Variants in CEP128 observed in about 807,000 individuals in gnomAD.
The protein encoded by CEP128 is centrosomal protein 128kDa.
Under a neutral mutation model 156.7 loss-of-function variants are expected in CEP128, and 132 were observed. The ratio of observed to expected loss-of-function variants is 0.84; its 90% CI spans 0.73 to 0.97. CEP128 has a LOEUF of 0.97. Ranked by LOEUF, CEP128 falls within the 50% of genes least tolerant of loss-of-function variation. The pLI is 0.00. For missense variants in CEP128, 1,252 were observed against 1,281.9 expected (o/e 0.98, Z 0.36); for synonymous variants, 469 against 448.9 (o/e 1.04, Z -0.57).
chr14:80,648,681 T>C (rs1274900373), intron 19 of CEP128, among the ~76,000 whole-genome samples: 1 of 152,142 alleles, frequency 6.6e-6, no homozygotes. Flanking sequence ...ATAAGAGTGG[T>C]AAAAGTTCAC....
intron 19 of CEP128, among the ~76,000 whole-genome samples, chr14:80,736,769 A>G (rs191616254): frequency 6.6e-6 from 1 of 152,328 alleles, no homozygotes. Flanking sequence ...AGAATAATGA[A>G]TCATAAGTTT....
In CEP128 at chr14:80,868,055, A is replaced by G. The variant is rs201503185; in HGVS notation, c.646-5182T>C. On this transcript the variant is annotated intron_variant, in intron 8 of 24. Coordinates refer to ENST00000555265, the MANE Select transcript of CEP128 (RefSeq NM_152446.5). ...AGGAGAGAATGAGATGATAAATTCA[A>G]AGTCCTGGCAGGGGGTGGGGGGAGA... is the stretch of plus-strand genomic sequence containing the variant. Among the ~76,000 whole-genome samples the G allele has an allele frequency of 1.2e-4, 19 of 152,160 alleles. No homozygotes were observed. The East Asian group carries it at 3.7e-3, about 29-fold the overall frequency.
At chr14:80,675,111 T>G (rs576190675) in intron 19 of CEP128, among the ~76,000 whole-genome samples, 7 of 152,200 alleles carry the variant, frequency 4.6e-5, no homozygotes, top group African/African-American at 1.2e-4. Flanking sequence ...CCTTTTAATT[T>G]CAATCATTCA....
At chr14:80,644,023 A>G (rs1894533854) in intron 19 of CEP128, among the ~76,000 whole-genome samples, 1 of 152,186 alleles carries the variant, frequency 6.6e-6, no homozygotes, top group African/African-American at 2.4e-5. Context: ...ATTTAGACGC[A>G]AAGACACAGA....
intron 8 of CEP128, among the ~76,000 whole-genome samples, chr14:80,885,270 G>A (rs999051580): frequency 6.6e-6 from 1 of 152,180 alleles, no homozygotes; most frequent in Non-Finnish European, 1.5e-5. Context: ...AAGCACTCGA[G>A]CTCTGCTAAG....
chr14:80,896,764 T>C (rs1221057981), intron 7 of CEP128, among the ~76,000 whole-genome samples: 2 of 152,154 alleles, frequency 1.3e-5, no homozygotes, highest in Non-Finnish European at 2.9e-5. Flanking sequence ...ATCATTGATA[T>C]TTTCCTCCCA....
intron 2 of CEP128, among the ~76,000 whole-genome samples, chr14:80,951,397 G>A (rs1886461108): frequency 2.0e-5 from 3 of 152,254 alleles, no homozygotes; most frequent in Admixed American, 2.0e-4. Context: ...CAAGTACAGT[G>A]TTGAAGGGTT....
chr14:80,924,746 G>A (rs1885057966), intron 2 of CEP128, among the ~76,000 whole-genome samples: 1 of 151,852 alleles, frequency 6.6e-6, no homozygotes, highest in Non-Finnish European at 1.5e-5. Flanking sequence ...TTTTTTTAAT[G>A]ATTCTACTAT....
intron 19 of CEP128, among the ~76,000 whole-genome samples, chr14:80,661,807 T>A (rs1484263678): frequency 6.6e-6 from 1 of 152,160 alleles, no homozygotes; most frequent in Non-Finnish European, 1.5e-5. Context: ...TAATGTTGCC[T>A]CTCAACTTCA....
At chr14:80,556,559 C>A (rs949427974) in intron 21 of CEP128, among the ~76,000 whole-genome samples, 1 of 152,078 alleles carries the variant, frequency 6.6e-6, no homozygotes, top group Non-Finnish European at 1.5e-5. Flanking sequence ...GTGACTGTGA[C>A]CTAAGCAGAT....
chr14:80,796,028 C>A (rs952848658), intron 13 of CEP128, among the ~76,000 whole-genome samples: 4 of 152,144 alleles, frequency 2.6e-5, no homozygotes, highest in Non-Finnish European at 4.4e-5. Context: ...CTACCCAGTA[C>A]CATGTACTCA....
At chr14:80,791,919 C>G (rs775710467) in intron 14 of CEP128, among the ~76,000 whole-genome samples, 1 of 152,134 alleles carries the variant, frequency 6.6e-6, no homozygotes, top group Non-Finnish European at 1.5e-5. Context: ...AGAAAGTCAA[C>G]TTATCCAAAT....
At chr14:80,523,381 A>T (rs1888834794) in intron 23 of CEP128, among the ~76,000 whole-genome samples, 1 of 152,176 alleles carries the variant, frequency 6.6e-6, no homozygotes. Flanking sequence ...AATGCAGTTT[A>T]TTGGGGCCAC....
intron 19 of CEP128, among the ~76,000 whole-genome samples, chr14:80,699,331 G>A (rs918860305): frequency 1.3e-4 from 20 of 152,166 alleles, no homozygotes; most frequent in Non-Finnish European, 1.8e-4. Flanking sequence ...TCCCATTACC[G>A]CCCATGCACT....
At position 80,553,251 on chromosome 14, in the gene CEP128, C is replaced by T. The variant is rs140471019; in HGVS notation, c.2880+6028G>A. On this transcript the variant is annotated intron_variant, in intron 21 of 24. Coordinates refer to ENST00000555265, the MANE Select transcript of CEP128 (RefSeq NM_152446.5). ...TCCTAATGCTCTCCCTCCCTTACCCCCAACCGACATGCCCTAGTGTGTGAT... is the reference window on the plus strand; with the variant it reads ...TCCTAATGCTCTCCCTCCCTTACCCTCAACCGACATGCCCTAGTGTGTGAT... Among the ~76,000 whole-genome samples, 352 of 152,198 alleles carry T rather than the reference C, an allele frequency of 2.3e-3. 1 individual carries two copies. The highest frequency in any genetic ancestry group is 8.2e-3 in the African/African-American group (339 of 41,520).
At chr14:80,604,271 G>C (rs1272983717) in intron 19 of CEP128, among the ~76,000 whole-genome samples, 1 of 152,144 alleles carries the variant, frequency 6.6e-6, no homozygotes, top group Non-Finnish European at 1.5e-5. Context: ...ACAAGTGATT[G>C]ATTGGTCATG....
rs34728272 is a variant in CEP128 at position 80,909,403 on chromosome 14, A to ACACACACG, written c.235-3323_235-3322insCGTGTGTG. On this transcript the variant is annotated intron_variant, in intron 4 of 24. Coordinates refer to ENST00000555265, the MANE Select transcript of CEP128 (RefSeq NM_152446.5). ...CACACACACACACACACACACACACACGCAAACTCCCTGCCACCAAAAGAA... is the reference window on the plus strand; with the variant it reads ...CACACACACACACACACACACACACACACACACGCGCAAACTCCCTGCCACCAAAAGAA... Among the ~76,000 whole-genome samples, 876 of 150,650 alleles carry ACACACACG rather than the reference A, an allele frequency of 5.8e-3. 14 individuals carry two copies. The highest frequency in any genetic ancestry group is 8.1e-3 in the Non-Finnish European group (548 of 67,732).
At chr14:80,587,188 T>C (rs1451997401) in intron 19 of CEP128, among the ~76,000 whole-genome samples, 1 of 152,154 alleles carries the variant, frequency 6.6e-6, no homozygotes, top group African/African-American at 2.4e-5. Flanking sequence ...AGTAGCTACA[T>C]TATTTAGAAC....
Position 80,862,786 on chromosome 14 carries a change from G to A in CEP128, c.733C>T (p.Leu245=), listed in dbSNP as rs141946009. The A allele has an allele frequency of 1.2e-6, 2 of 1,613,620 alleles. No individual in the cohort carries two copies. The highest frequency in any genetic ancestry group is 2.7e-5 in the African/African-American group (2 of 75,046). The change falls in exon 9 of 25, where the codon CTG becomes TTG. Residue 245 remains leucine (L), a synonymous_variant. Transcript: ENST00000555265. The part of the protein sequence containing the change: ...RELVERRQDQ[L]GLMSLQLQEA... The stretch of plus-strand genomic sequence containing the variant: ...TGTAGCTGCAGGGACATGAGTCCCA[G>A]TTGATCCTGGCGTCTTTCCACCAGC...
Sources: gnomAD v4.1 joint callset for allele counts (sites outside exome capture counted in the v4.1 genomes callset) on GRCh38, gnomAD v4.1.1 for gene constraint, MANE v1.5 for transcripts, NCBI Gene and HGNC (gene_info 2026-07-23, HGNC 2026-07-21) for gene names.